Variants in JPH2 observed in about 807,000 individuals in gnomAD.
JPH2 encodes the protein junctophilin 2.
In JPH2, 38 loss-of-function variants were observed where a neutral mutation model predicts 55.9. The ratio of observed to expected loss-of-function variants is 0.68; its 90% CI spans 0.52 to 0.89. The LOEUF is 0.89. Ranked by LOEUF, JPH2 falls within the 40% of genes least tolerant of loss-of-function variation. The pLI is 0.00. For missense variants in JPH2, 964 were observed against 1,037.6 expected (o/e 0.93, Z 0.97); for synonymous variants, 480 against 472.4 (o/e 1.02, Z -0.21).
chr20:44,114,037 T>C (rs749025976), intron 5 of JPH2, among the ~76,000 whole-genome samples: 8 of 152,214 alleles, frequency 5.3e-5, no homozygotes, highest in Non-Finnish European at 7.3e-5. Flanking sequence ...AACCCTGTTA[T>C]TATTGCCAAG....
chr20:44,160,512 C>A lies in JPH2; in HGVS notation c.380-105G>T. ...GGGAGTGGGCAAGGCGGGGTGGGAC[C>A]GAGAGGCGCAAGGCCGTCTGAGGGT... On this transcript the variant is annotated intron_variant, in intron 1 of 5. Coordinates refer to ENST00000372980, the MANE Select transcript of JPH2 (RefSeq NM_020433.5). The surrounding 1 kb of genome is among the most constrained non-coding windows in gnomAD (Gnocchi z 4.9). 8.2e-7 allele frequency: 1 copy of A among 1,219,682 alleles called. No homozygotes were observed. Among genetic ancestry groups the A allele is most frequent in the South Asian group, 1.3e-5 (1 of 77,908 alleles). 75.6% of individuals were successfully genotyped at this position (1,219,682 alleles called of 1,614,324 possible).
chr20:44,137,405 C>A (rs1390487294), intron 2 of JPH2, among the ~76,000 whole-genome samples: 1 of 152,232 alleles, frequency 6.6e-6, no homozygotes, highest in African/African-American at 2.4e-5. Context: ...TCCCCCGCCT[C>A]CCGCCCCTCC....
chr20:44,174,166 C>G (rs969630067), intron 1 of JPH2, among the ~76,000 whole-genome samples: 1 of 152,142 alleles, frequency 6.6e-6, no homozygotes, highest in Non-Finnish European at 1.5e-5. Flanking sequence ...AGTCTTATTC[C>G]TTCATTATAC....
rs1200736175 is a variant in JPH2 at position 44,134,099 on chromosome 20, T to C, written c.1170-15476A>G. On this transcript the variant is annotated intron_variant, in intron 2 of 5. Coordinates refer to ENST00000372980, the MANE Select transcript of JPH2 (RefSeq NM_020433.5). Reference sequence around the variant, plus strand: ...TATATATTTATTATAAATATATATTTATTATAAATATATAAATAAATATTT... The same window carrying C: ...TATATATTTATTATAAATATATATTCATTATAAATATATAAATAAATATTT... Among the ~76,000 whole-genome samples the C allele has an allele frequency of 8.3e-5, 3 of 36,078 alleles. 1 individual carries two copies. The highest frequency in any genetic ancestry group is 1.4e-4 in the Non-Finnish European group (3 of 21,488). 23.7% of individuals were successfully genotyped at this position (36,078 alleles called of 152,430 possible).
At chr20:44,176,585 C>T (rs868596009) in intron 1 of JPH2, among the ~76,000 whole-genome samples, 22 of 152,030 alleles carry the variant, frequency 1.4e-4, no homozygotes, top group African/African-American at 4.8e-4. Flanking sequence ...GAGGATGGCT[C>T]GGGCTCAGAA....
Position 44,110,166 on chromosome 20 carries a change from C to T in JPH2, c.*3352G>A, listed in dbSNP as rs1390478792. On this transcript the variant is annotated 3_prime_UTR_variant, in exon 6 of 6. Coordinates refer to ENST00000372980, the MANE Select transcript of JPH2 (RefSeq NM_020433.5). ...CTCAGGAAGCCGCCTCCTTTGCACA[C>T]CATCCAAAGTGAGTTCAATACAGCC... Among the ~76,000 whole-genome samples the T allele has an allele frequency of 2.0e-5, 3 of 152,020 alleles. No individual in the cohort carries two copies. The highest frequency in any genetic ancestry group is 1.3e-4 in the Admixed American group (2 of 15,260).
intron 2 of JPH2, among the ~76,000 whole-genome samples, chr20:44,157,652 G>T (rs908238032): frequency 3.3e-5 from 5 of 152,210 alleles, no homozygotes; most frequent in Admixed American, 1.3e-4. Context: ...GATTAGAGAA[G>T]AAAATGGATC....
At position 44,116,354 on chromosome 20, in the gene JPH2, C is replaced by T. The variant is rs1312945217; in HGVS notation, c.1321G>A (p.Glu441Lys). The part of the protein sequence containing the change: ...PEYQKRRLLQ[E>K]ILENSESLLE... ...AGGCTCTCCGAGTTCTCCAGGATCT[C>T]CTGCAGCAGCCGGCGCTTCTGATAT... The change falls in exon 4 of 6, where the codon GAG (glutamate) becomes AAG (lysine). Residue 441 changes from glutamate to lysine, a missense_variant. Physicochemically the swap from Glu to Lys is moderately conservative, Grantham distance 56. Transcript: ENST00000372980. 2 of 1,547,622 alleles carry T rather than the reference C, an allele frequency of 1.3e-6. No individual in the cohort carries two copies. The highest frequency in any genetic ancestry group is 1.7e-6 in the Non-Finnish European group (2 of 1,146,734).
intron 2 of JPH2, among the ~76,000 whole-genome samples, chr20:44,151,621 G>T (rs780216725): frequency 3.3e-5 from 5 of 152,178 alleles, no homozygotes; most frequent in Non-Finnish European, 5.9e-5. Context: ...AAGAGGGCTT[G>T]CAGAGACCGG....
At chr20:44,132,024 T>C (rs557953207) in intron 2 of JPH2, among the ~76,000 whole-genome samples, 1 of 152,268 alleles carries the variant, frequency 6.6e-6, no homozygotes, top group South Asian at 2.1e-4. Context: ...CTACACGGTA[T>C]TTACTGTAAC....
In JPH2 at chr20:44,160,404, G is replaced by A. The variant is rs1344351300; in HGVS notation, c.383C>T (p.Thr128Met). 2 of 1,608,890 alleles carry A rather than the reference G, an allele frequency of 1.2e-6. No individual in the cohort carries two copies. The highest frequency in any genetic ancestry group is 1.7e-6 in the Non-Finnish European group (2 of 1,178,502). The change falls in exon 2 of 6, where the codon ACG (threonine) becomes ATG (methionine). Residue 128 changes from threonine (T) to methionine (M), a missense_variant. By Grantham distance (81) the Thr-to-Met change is moderately conservative. Transcript: ENST00000372980. This position sits in a 1 kb window ranked among gnomAD's most constrained non-coding sequence, Gnocchi z 4.9. ...GCCGTTGGTGAACTGGCCTTGGTAC[G>A]TCCCTGCGGGCGAGGAGAGGGCGCG... ...YGTETYADGG[T>M]YQGQFTNGMR...
intron 2 of JPH2, among the ~76,000 whole-genome samples, chr20:44,122,774 T>G (rs1274195384): frequency 2.0e-5 from 3 of 152,134 alleles, no homozygotes; most frequent in Non-Finnish European, 4.4e-5. Context: ...GAGAATGACA[T>G]CTGTACATCA....
intron 2 of JPH2, among the ~76,000 whole-genome samples, chr20:44,120,746 AC>A (rs1164011041): frequency 6.6e-6 from 1 of 152,230 alleles, no homozygotes; most frequent in Non-Finnish European, 1.5e-5. Context: ...CTTAAAAAAA[AC>A]AAATCACAAA....
intron 2 of JPH2, among the ~76,000 whole-genome samples, chr20:44,123,351 G>GCCACT (rs1196208189): frequency 6.6e-6 from 1 of 152,056 alleles, no homozygotes; most frequent in Non-Finnish European, 1.5e-5. Context: ...AGAACCCTCT[G>GCCACT]CCACTCCTCC....
At chr20:44,150,901 G>A (rs2072526070) in intron 2 of JPH2, among the ~76,000 whole-genome samples, 1 of 152,044 alleles carries the variant, frequency 6.6e-6, no homozygotes. Context: ...GTAGTGGCAT[G>A]CACCTGTAGC....
intron 2 of JPH2, among the ~76,000 whole-genome samples, chr20:44,127,823 T>C (rs2072288501): frequency 6.6e-6 from 1 of 152,162 alleles, no homozygotes. Flanking sequence ...ACTAGAGGTT[T>C]GGGAAGTGCC....
rs1569195111 is a variant in JPH2 at position 44,134,666 on chromosome 20, A to AT, written c.1170-16044_1170-16043insA. ...ATAAATATTTATTATAAATATATAT[A>AT]AATATATATTTATAAATATTATAAA... On this transcript the variant is annotated intron_variant, in intron 2 of 5. Coordinates refer to ENST00000372980, the MANE Select transcript of JPH2 (RefSeq NM_020433.5). Among the ~76,000 whole-genome samples the AT allele has an allele frequency of 6.4e-4, 28 of 44,034 alleles. 1 individual carries two copies. The highest frequency in any genetic ancestry group is 2.5e-3 in the African/African-American group (25 of 10,176). The allele number at this position is 44,034 out of a possible 152,430, so 28.9% of individuals were successfully genotyped here.
At chr20:44,140,603 G>A (rs1215594519) in intron 2 of JPH2, among the ~76,000 whole-genome samples, 5 of 151,966 alleles carry the variant, frequency 3.3e-5, no homozygotes, top group Non-Finnish European at 5.9e-5. Context: ...CTCTGAAAAC[G>A]CATTCCCACC....
chr20:44,155,372 G>C (rs182616329), intron 2 of JPH2, among the ~76,000 whole-genome samples: 191 of 152,178 alleles, frequency 1.3e-3, no homozygotes, highest in African/African-American at 4.3e-3. Context: ...AGTGGCCCAG[G>C]GTGTTCCAGG....
Sources: gnomAD v4.1 joint callset for allele counts (sites outside exome capture counted in the v4.1 genomes callset) on GRCh38, gnomAD v4.1.1 for gene constraint, Gnocchi (gnomAD v3.1) non-coding constraint, MANE v1.5 for transcripts, NCBI Gene and HGNC (gene_info 2026-07-23, HGNC 2026-07-21) for gene names.